The following MCC variants were observed in gnomAD, a reference collection of about 807,000 sequenced individuals.
MCC encodes the protein colorectal mutant cancer protein.
MCC carries 90 observed loss-of-function variants against 116.2 expected under a neutral mutation model. The ratio of observed to expected loss-of-function variants is 0.77; its 90% CI spans 0.65 to 0.92. The LOEUF is 0.92. MCC is among the 40% of genes least tolerant of loss of function. The pLI is 0.00. For synonymous variants in MCC, 578 were observed against 510.5 expected, an observed-to-expected ratio of 1.13 and a Z score of -1.78; for missense variants, 1,516 against 1,312.2, an observed-to-expected ratio of 1.16 and a Z score of -2.40.
Position 113,400,214 on chromosome 5 carries a change from C to T in MCC, c.171-15002G>A, listed in dbSNP as rs183618678. On this transcript the variant is annotated intron_variant, in intron 1 of 18. Transcript: ENST00000408903. ...CTTGGCTCACTGAAACCTTCCCCTC[C>T]CGGGTTCAAGTGATTCTCCCGCCTC... Among the ~76,000 whole-genome samples, 213 of 149,126 alleles carry T rather than the reference C, an allele frequency of 1.4e-3. 6 individuals carry two copies. The East Asian group carries it at 0.02, about 14-fold the overall frequency.
At chr5:113,192,888 T>C (rs987733561) in intron 3 of MCC, among the ~76,000 whole-genome samples, 7 of 152,258 alleles carry the variant, frequency 4.6e-5, no homozygotes, top group African/African-American at 1.2e-4. Flanking sequence ...CTATGGCTGC[T>C]GTAACAAATA....
chr5:113,253,514 T>C (rs958388452), intron 3 of MCC, among the ~76,000 whole-genome samples: 2 of 152,100 alleles, frequency 1.3e-5, no homozygotes, highest in African/African-American at 2.4e-5. Flanking sequence ...TGACATACTA[T>C]GCCCTCAATT....
chr5:113,271,735 A>G (rs1765626147), intron 3 of MCC, among the ~76,000 whole-genome samples: 1 of 152,230 alleles, frequency 6.6e-6, no homozygotes, highest in South Asian at 2.1e-4. Context: ...TGGATTAATG[A>G]CATTTATCAG....
At chr5:113,085,033 C>A (rs760722321) in intron 9 of MCC, 131 bp downstream of exon 9, 9 of 1,248,474 alleles carry the variant, frequency 7.2e-6, no homozygotes, top group African/African-American at 3.0e-5. Context: ...AGAAGGCCTG[C>A]GTAAGGTCCC....
chr5:113,465,362 A>T (rs1771872809), intron 1 of MCC, among the ~76,000 whole-genome samples: 1 of 152,108 alleles, frequency 6.6e-6, no homozygotes, highest in African/African-American at 2.4e-5. Context: ...TGTGCTAAAA[A>T]TTCATATACA....
intron 3 of MCC, among the ~76,000 whole-genome samples, chr5:113,235,118 C>T (rs939326450): frequency 9.9e-5 from 15 of 152,242 alleles, no homozygotes; most frequent in African/African-American, 3.4e-4. Flanking sequence ...CCTAAAGCTG[C>T]CCGAGGTGAA....
intron 3 of MCC, among the ~76,000 whole-genome samples, chr5:113,265,299 T>C (rs1386737932): frequency 3.9e-5 from 6 of 152,086 alleles, no homozygotes; most frequent in African/African-American, 1.2e-4. Context: ...GAAGCAACAT[T>C]CTGTTTGTTT....
At chr5:113,257,878 T>C (rs1218111082) in intron 3 of MCC, among the ~76,000 whole-genome samples, 1 of 152,110 alleles carries the variant, frequency 6.6e-6, no homozygotes, top group African/African-American at 2.4e-5. Context: ...AGCACAGGTA[T>C]AGAAACCAAA....
intron 4 of MCC, among the ~76,000 whole-genome samples, chr5:113,146,725 G>C (rs1262208995): frequency 6.6e-5 from 10 of 152,192 alleles, no homozygotes; most frequent in Admixed American, 2.0e-4. Context: ...TTGTAAGTTA[G>C]AGACTATTTT....
chr5:113,078,625 C>T (rs1391306789), intron 11 of MCC, among the ~76,000 whole-genome samples: 3 of 152,198 alleles, frequency 2.0e-5, no homozygotes, highest in Non-Finnish European at 4.4e-5. Context: ...ATGCTAAAAA[C>T]TCTCAATAAT....
intron 1 of MCC, among the ~76,000 whole-genome samples, chr5:113,443,571 G>A (rs1771112900): frequency 6.6e-6 from 1 of 152,110 alleles, no homozygotes; most frequent in South Asian, 2.1e-4. Context: ...CTTGTCTTAT[G>A]CCGGTTTTCA....
intron 3 of MCC, among the ~76,000 whole-genome samples, chr5:113,211,905 T>C (rs1322007452): frequency 6.6e-6 from 1 of 152,224 alleles, no homozygotes; most frequent in Admixed American, 6.5e-5. Flanking sequence ...ACATGCCTAA[T>C]AGCAAACTTT....
At chr5:113,133,909 T>G (rs577834342) in intron 5 of MCC, among the ~76,000 whole-genome samples, 13 of 152,348 alleles carry the variant, frequency 8.5e-5, no homozygotes, top group African/African-American at 3.1e-4. Context: ...GAGCAATGTC[T>G]ATTCAGATCT....
At chr5:113,431,730 T>A (rs1770650193) in intron 1 of MCC, among the ~76,000 whole-genome samples, 2 of 125,002 alleles carry the variant, frequency 1.6e-5, no homozygotes, top group East Asian at 2.9e-4. Flanking sequence ...GCGCGGTGGC[T>A]CACGCCTGTA....
chr5:113,027,266 CT>C lies in MCC; in HGVS notation c.*35del. 6.2e-7 allele frequency: 1 copy of C among 1,606,970 alleles called. No homozygotes were observed. The highest frequency in any genetic ancestry group is 8.5e-7 in the Non-Finnish European group (1 of 1,175,734). ...GTCCCCAGTGGCCTGCTGCAGTTTACTTCCCATGGGCAGAACTCCGGTGCGT... is the reference window on the plus strand; with the variant it reads ...GTCCCCAGTGGCCTGCTGCAGTTTACTCCCATGGGCAGAACTCCGGTGCGT... On this transcript the variant is annotated 3_prime_UTR_variant, in exon 19 of 19. Transcript: ENST00000408903.
rs369421434 is a variant in MCC, at chr5:113,085,228, G to A, written c.1481C>T (p.Pro494Leu). 27 of 1,614,026 alleles carry A rather than the reference G, an allele frequency of 1.7e-5. No individual in the cohort carries two copies. Among genetic ancestry groups the A allele is most frequent in the Middle Eastern group, 1.6e-4 (1 of 6,084 alleles). ...CAGCTCCCCAGTGCTGGGGTTAATC[G>A]GGCGGTTGGTGGAAGTGAGGCGGCC... is the stretch of plus-strand genomic sequence containing the variant. ...SPGRLTSTNRPINPSTGELST... is the reference protein window; with the variant it reads ...SPGRLTSTNRLINPSTGELST... The change falls in exon 9 of 19, where the codon CCG (proline) becomes CTG (leucine). Residue 494 changes from proline (P) to leucine (L), a missense_variant. By Grantham distance (98) the Pro-to-Leu change is moderately conservative. Coordinates refer to ENST00000408903, the MANE Select transcript of MCC (RefSeq NM_001085377.2).
At chr5:113,224,610 T>C (rs1300414564) in intron 3 of MCC, among the ~76,000 whole-genome samples, 1 of 152,168 alleles carries the variant, frequency 6.6e-6, no homozygotes, top group African/African-American at 2.4e-5. Context: ...GTCAACTGTA[T>C]GTTTTCCTCT....
intron 17 of MCC, among the ~76,000 whole-genome samples, chr5:113,030,105 C>G (rs1355419172): frequency 6.6e-6 from 1 of 152,182 alleles, no homozygotes; most frequent in East Asian, 1.9e-4. Context: ...AAAGGACTCA[C>G]TGTATGTAGA....
intron 1 of MCC, 102 bp downstream of exon 1, chr5:113,488,143 A>G (rs1047511865): frequency 8.3e-7 from 1 of 1,207,588 alleles, no homozygotes; most frequent in African/African-American, 1.6e-5. Context: ...CGAGCTTCTG[A>G]GCAACTTGCC....
Sources: allele counts gnomAD v4.1 joint callset (sites outside exome capture counted in the v4.1 genomes callset), GRCh38; gene constraint gnomAD v4.1.1; transcripts MANE v1.5; gene names NCBI Gene and HGNC (gene_info 2026-07-23, HGNC 2026-07-21).